The following STAG1 variants were observed in gnomAD, a reference collection of about 807,000 sequenced individuals.
STAG1 encodes STAG1 cohesin complex component, also known as cohesin subunit SA-1.
A neutral mutation model predicts 170.9 loss-of-function variants in STAG1; 26 were observed. The ratio of observed to expected loss-of-function variants is 0.15; its 90% CI spans 0.11 to 0.21. The LOEUF (loss-of-function observed/expected upper bound fraction) is 0.21, where lower values mean the gene tolerates loss of function less well. Ranked by LOEUF, STAG1 falls within the 10% of genes least tolerant of loss-of-function variation. STAG1 has a pLI of 1.00. For missense variants in STAG1, 964 were observed against 1,509.5 expected (o/e 0.64, Z 5.99); for synonymous variants, 514 against 497.7 (o/e 1.03, Z -0.44).
chr3:136,487,331 G>A (rs1040136712), intron 9 of STAG1, among the ~76,000 whole-genome samples: 14 of 152,128 alleles, frequency 9.2e-5, no homozygotes, highest in African/African-American at 3.4e-4. Flanking sequence ...ACGGCTGCAT[G>A]GTATTCCATG....
chr3:136,421,840 G>A (rs2087966215), intron 19 of STAG1, among the ~76,000 whole-genome samples: 1 of 123,618 alleles, frequency 8.1e-6, no homozygotes, highest in African/African-American at 2.5e-5. Context: ...AAATGAGTTA[G>A]GAAAAATTAG....
intron 1 of STAG1, among the ~76,000 whole-genome samples, chr3:136,646,706 G>C (rs775716849): frequency 2.0e-5 from 3 of 152,128 alleles, no homozygotes; most frequent in Non-Finnish European, 4.4e-5. Flanking sequence ...AGGAGTTCAA[G>C]ATCAGCCTGG....
At chr3:136,729,632 AC>A (rs1199505128) in intron 1 of STAG1, among the ~76,000 whole-genome samples, 4 of 144,472 alleles carry the variant, frequency 2.8e-5, no homozygotes, top group African/African-American at 1.0e-4. Context: ...GAGTACAATG[AC>A]ATGATCTCGG....
At chr3:136,595,156 C>G (rs1168129385) in intron 4 of STAG1, among the ~76,000 whole-genome samples, 1 of 152,108 alleles carries the variant, frequency 6.6e-6, no homozygotes, top group East Asian at 1.9e-4. Flanking sequence ...TTACTCATAA[C>G]TACTAAAGCA....
chr3:136,471,498 A>G (rs1015058001), intron 12 of STAG1, among the ~76,000 whole-genome samples: 3 of 152,194 alleles, frequency 2.0e-5, no homozygotes, highest in African/African-American at 7.2e-5. Flanking sequence ...CCACAATAAT[A>G]AAGAGCATGG....
chr3:136,563,729 T>A (rs1255840878), intron 5 of STAG1, among the ~76,000 whole-genome samples: 1 of 151,330 alleles, frequency 6.6e-6, no homozygotes, highest in Non-Finnish European at 1.5e-5. Context: ...TAAAAACATA[T>A]CCAGAGAAAG....
intron 1 of STAG1, among the ~76,000 whole-genome samples, chr3:136,660,839 C>CAGT (rs1267324790): frequency 1.3e-5 from 2 of 151,986 alleles, no homozygotes; most frequent in Non-Finnish European, 2.9e-5. Context: ...TATAGTGGTA[C>CAGT]ACGCCTGTAG....
chr3:136,485,892 A>G (rs1389429797), intron 9 of STAG1, among the ~76,000 whole-genome samples: 2 of 152,230 alleles, frequency 1.3e-5, no homozygotes, highest in Non-Finnish European at 2.9e-5. Flanking sequence ...ATAAACAATT[A>G]TAAATTACAT....
rs188618139 is a variant in STAG1 at position 136,525,581 on chromosome 3, C to A, written c.472-4164G>T. Among the ~76,000 whole-genome samples, 216 of 151,890 alleles carry A rather than the reference C, an allele frequency of 1.4e-3. 2 individuals are homozygous for A. The highest frequency in any genetic ancestry group is 1.5e-3 in the Non-Finnish European group (101 of 67,928). On this transcript the variant is annotated intron_variant, in intron 6 of 33. Transcript: ENST00000383202. Reference sequence around the variant, plus strand: ...TCATTAATTTTTTGAAGGGTTTTTTCTGTCTCTATCTCCTTCAGTTCTGCT... The same window carrying A: ...TCATTAATTTTTTGAAGGGTTTTTTATGTCTCTATCTCCTTCAGTTCTGCT...
At chr3:136,610,246 A>G (rs867876988) in intron 3 of STAG1, among the ~76,000 whole-genome samples, 60 of 152,266 alleles carry the variant, frequency 3.9e-4, no homozygotes, top group African/African-American at 1.4e-3. Context: ...CATATTGGCC[A>G]GGCTGGTCTC....
At chr3:136,664,003 C>T (rs1430457695) in intron 1 of STAG1, among the ~76,000 whole-genome samples, 1 of 152,148 alleles carries the variant, frequency 6.6e-6, no homozygotes, top group Non-Finnish European at 1.5e-5. Flanking sequence ...TCAATTTTAT[C>T]ATGTAAAATT....
In STAG1 at chr3:136,341,490, T is replaced by G; in HGVS notation, c.3508A>C (p.Arg1170=). ...ACTTTCATGTAGTTCATTCCTGTTC[T>G]GTCCTTCCGATTTAAGTCTTCTAAC... ...PKLEDLNRKD[R]TGMNYMKVRT... is the part of the protein sequence containing the mutation. The change falls in exon 31 of 34, where the codon AGA becomes CGA. Residue 1170 remains arginine (R), a synonymous_variant. Coordinates refer to ENST00000383202, the MANE Select transcript of STAG1 (RefSeq NM_005862.3). 2 of 1,614,038 alleles carry G rather than the reference T, an allele frequency of 1.2e-6. No individual in the cohort carries two copies. Among genetic ancestry groups the G allele is most frequent in the Non-Finnish European group, 1.7e-6 (2 of 1,179,962 alleles).
chr3:136,386,222 CCAGCTACT>C (rs1251651868), intron 22 of STAG1, among the ~76,000 whole-genome samples: 1 of 151,984 alleles, frequency 6.6e-6, no homozygotes, highest in Non-Finnish European at 1.5e-5. Flanking sequence ...GCCTGTAATC[CCAGCTACT>C]CAGGAGGCTG....
intron 28 of STAG1, among the ~76,000 whole-genome samples, chr3:136,352,767 CATG>C (rs1339727212): frequency 2.2e-4 from 33 of 152,236 alleles, no homozygotes; most frequent in African/African-American, 7.7e-4. Flanking sequence ...CTTTGTGTTA[CATG>C]ATATTATCAA....
At chr3:136,693,431 C>T (rs964700676) in intron 1 of STAG1, among the ~76,000 whole-genome samples, 24 of 152,030 alleles carry the variant, frequency 1.6e-4, no homozygotes. Flanking sequence ...CCTCAGAACC[C>T]CTTCATTCTA....
intron 22 of STAG1, among the ~76,000 whole-genome samples, chr3:136,396,392 G>A (rs113425389): frequency 2.7e-5 from 4 of 145,810 alleles, no homozygotes; most frequent in Non-Finnish European, 6.0e-5. Flanking sequence ...TAATTTTTTT[G>A]TATTTTTAGT....
At chr3:136,509,744 C>T (rs1055182513) in intron 7 of STAG1, among the ~76,000 whole-genome samples, 7 of 152,122 alleles carry the variant, frequency 4.6e-5, no homozygotes, top group Admixed American at 2.0e-4. Flanking sequence ...ATGCCTAAAA[C>T]GAAGTCGAAG....
At chr3:136,745,435 A>G (rs1042050820) in intron 1 of STAG1, among the ~76,000 whole-genome samples, 2 of 152,234 alleles carry the variant, frequency 1.3e-5, no homozygotes, top group Non-Finnish European at 2.9e-5. Context: ...GTTCGTGGAA[A>G]AAAATTTTTC....
At chr3:136,431,965 G>A (rs2088316584) in intron 16 of STAG1, among the ~76,000 whole-genome samples, 1 of 152,104 alleles carries the variant, frequency 6.6e-6, no homozygotes. Context: ...AATTTGGGAG[G>A]TTTTCAGTGA....
Sources: allele counts gnomAD v4.1 joint callset (sites outside exome capture counted in the v4.1 genomes callset), GRCh38; gene constraint gnomAD v4.1.1; transcripts MANE v1.5; gene names NCBI Gene and HGNC (gene_info 2026-07-23, HGNC 2026-07-21).